Variants in INTS2 observed in about 807,000 individuals in gnomAD.
INTS2 encodes the protein integrator complex subunit 2, also known as KIAA1287.
In INTS2, 57 loss-of-function variants were observed where a neutral mutation model predicts 139.6. The ratio of observed to expected loss-of-function variants is 0.41; its 90% CI spans 0.33 to 0.51. The LOEUF (loss-of-function observed/expected upper bound fraction) is 0.51, where lower values mean the gene tolerates loss of function less well. INTS2 is among the 20% of genes least tolerant of loss of function. The pLI is 0.28. For synonymous variants in INTS2, 473 were observed against 493.4 expected, an observed-to-expected ratio of 0.96 and a Z score of 0.55; for missense variants, 1,196 against 1,436.7, an observed-to-expected ratio of 0.83 and a Z score of 2.71.
intron 4 of INTS2, among the ~76,000 whole-genome samples, chr17:61,920,543 T>C (rs1295402302): frequency 1.4e-5 from 2 of 144,260 alleles, no homozygotes; most frequent in East Asian, 2.2e-4. Flanking sequence ...CAGTGGCTTA[T>C]GCCTATAATC....
rs764656320 is a variant in INTS2, at chr17:61,889,892, A to C, written c.1878T>G (p.Gly626=). The part of the protein sequence containing the change: ...ILNIFQGVIG[G]DNIRLNQRFS... ...AACGCTGATTAAGGCGGATGTTGTCACCCTGGAGGTAATATTACAAATACT... is the reference window on the plus strand; with the variant it reads ...AACGCTGATTAAGGCGGATGTTGTCCCCCTGGAGGTAATATTACAAATACT... Residue 626 remains glycine (G), a splice_region_variant and synonymous_variant, in exon 15 of 25, where the codon GGT becomes GGG. Transcript: ENST00000251334. The C allele has an allele frequency of 4.3e-5, 69 of 1,592,730 alleles. No individual in the cohort carries two copies. Among genetic ancestry groups the C allele is most frequent in the Non-Finnish European group, 5.6e-5 (65 of 1,162,572 alleles).
chr17:61,905,701 T>C (rs1468144529), intron 8 of INTS2, among the ~76,000 whole-genome samples: 2 of 152,072 alleles, frequency 1.3e-5, no homozygotes, highest in African/African-American at 4.8e-5. Flanking sequence ...TTTTTTATGT[T>C]TTTTGTTTTT....
Position 61,867,339 on chromosome 17 carries a change from T to C in INTS2, c.*218A>G, listed in dbSNP as rs910079539. 3.1e-6 allele frequency: 1 copy of C among 327,434 alleles called. No homozygotes were observed. Among genetic ancestry groups the C allele is most frequent in the Non-Finnish European group, 5.5e-6 (1 of 181,714 alleles). The allele number at this position is 327,434 out of a possible 1,614,324, so 20.3% of individuals were successfully genotyped here. On this transcript the variant is annotated 3_prime_UTR_variant, in exon 25 of 25. Transcript: ENST00000251334. This position sits in a 1 kb window ranked among gnomAD's most constrained non-coding sequence, Gnocchi z 5.6. The stretch of plus-strand genomic sequence containing the variant: ...AAAAAAAAAAGCTCAGCTGCTACAA[T>C]AGAAACATATCAGCAAAGTAGATCC...
chr17:61,884,420 G>A (rs989473875), intron 16 of INTS2, among the ~76,000 whole-genome samples: 1 of 152,028 alleles, frequency 6.6e-6, no homozygotes, highest in African/African-American at 2.4e-5. Context: ...TTGAACCCAG[G>A]AGGTGGGGGT....
In INTS2 at chr17:61,867,974, G is replaced by A. The variant is rs764970801; in HGVS notation, c.3280C>T (p.Pro1094Ser). 7.5e-6 allele frequency: 12 copies of A among 1,605,004 alleles called. No individual in the cohort carries two copies. The highest frequency in any genetic ancestry group is 1.0e-5 in the Non-Finnish European group (12 of 1,177,440). ...AAAGAGACCAAACTTGGCAGAGTTG[G>A]CATAAAAAAAGCATACCGCTTAGCC... Reference protein sequence around the residue: ...TQAKRYAFFMPTLPSLVSFCR... With the variant: ...TQAKRYAFFMSTLPSLVSFCR... The change falls in exon 24 of 25, where the codon CCA becomes TCA. Residue 1094 changes from proline (P) to serine (S), a missense_variant. Pro to Ser is a moderately conservative substitution (Grantham distance 74). Transcript: ENST00000251334. The surrounding 1 kb of genome is among the most constrained non-coding windows in gnomAD (Gnocchi z 5.6).
At chr17:61,881,219 A>T in intron 16 of INTS2, 48 bp from the exon 17 acceptor site, 1 of 1,448,668 alleles carries the variant, frequency 6.9e-7, no homozygotes, top group Admixed American at 1.9e-5. Flanking sequence ...CTCAAACACC[A>T]GAAGCTTCCC....
intron 5 of INTS2, 30 bp downstream of exon 5, chr17:61,919,370 T>C (rs2079615396): frequency 4.4e-6 from 5 of 1,139,404 alleles, no homozygotes; most frequent in Non-Finnish European, 5.2e-6. Flanking sequence ...AGCAAGTCTT[T>C]TCAATATACC....
At chr17:61,918,901 T>C (rs936948037) in intron 5 of INTS2, among the ~76,000 whole-genome samples, 5 of 151,832 alleles carry the variant, frequency 3.3e-5, no homozygotes, top group Non-Finnish European at 7.4e-5. Flanking sequence ...ATTATAGATA[T>C]TACATCTTCT....
chr17:61,916,899 CA>C (rs1285429330), intron 5 of INTS2, among the ~76,000 whole-genome samples: 1 of 152,040 alleles, frequency 6.6e-6, no homozygotes. Context: ...ATGTATCTGA[CA>C]AAGGCCTAAT....
In INTS2 at chr17:61,891,598, G is replaced by A. The variant is rs747346615; in HGVS notation, c.1790C>T (p.Thr597Ile). Residue 597 changes from threonine to isoleucine, a missense_variant, in exon 14 of 25, where the codon ACT (threonine) becomes ATT (isoleucine). Thr to Ile is a moderately conservative substitution (Grantham distance 89, BLOSUM62 -1). Around this residue, in one of 3 missense-constraint regions of INTS2, gnomAD observed 1,129 missense variants for 1,341.9 expected, o/e 0.84. Transcript: ENST00000251334. ...TTCTGGATTAGATTTCGACGCAGGA[G>A]TAAGTATAGAATTTATGTACACATC... ...LIDVYINSIL[T>I]PASKSNPEAT... is the part of the protein sequence containing the mutation. 5 of 1,613,512 alleles carry A rather than the reference G, an allele frequency of 3.1e-6. No homozygotes were observed. Among genetic ancestry groups the A allele is most frequent in the Non-Finnish European group, 4.2e-6 (5 of 1,179,506 alleles).
Position 61,924,948 on chromosome 17 carries a change from A to G in INTS2, c.432+13T>C. 1 of 1,609,344 alleles carries G rather than the reference A, an allele frequency of 6.2e-7. No individual in the cohort carries two copies. The highest frequency in any genetic ancestry group is 1.3e-5 in the African/African-American group (1 of 75,020). ...ATCATGCATACTTTGAGCTGTGGTT[A>G]AAAGAAATGCACCTTGTTCATAATT... On this transcript the variant is annotated intron_variant, in intron 3 of 24. Coordinates refer to ENST00000251334, the MANE Select transcript of INTS2 (RefSeq NM_001351695.2).
chr17:61,904,465 A>G lies in INTS2; in HGVS notation c.1302T>C (p.Leu434=). Residue 434 remains leucine, a synonymous_variant, in exon 9 of 25, where the codon CTT becomes CTC. Coordinates refer to ENST00000251334, the MANE Select transcript of INTS2 (RefSeq NM_001351695.2). The stretch of plus-strand genomic sequence containing the variant: ...CAACTTATATAGTTAGGTACCTGAC[A>G]AGTGTAGAAAAGGCCAGTAGCATAC... The part of the protein sequence containing the change: ...SFCMLLAFST[L]VSTPEQEQLM... The G allele has an allele frequency of 6.2e-7, 1 of 1,604,038 alleles. No individual in the cohort carries two copies. The highest frequency in any genetic ancestry group is 8.5e-7 in the Non-Finnish European group (1 of 1,174,122).
rs184985128 is a variant in INTS2, at chr17:61,882,333, G to A, written c.2090-1162C>T. Among the ~76,000 whole-genome samples, 3 of 152,284 alleles carry A rather than the reference G, an allele frequency of 2.0e-5. No individual in the cohort carries two copies. In the East Asian group the frequency reaches 5.8e-4, roughly 29 times the overall value. The stretch of plus-strand genomic sequence containing the variant: ...TTTTCTTGGTTCAAGAAGTATTAAA[G>A]AAGACCAAAAGAAATGGGAAAACTT... On this transcript the variant is annotated intron_variant, in intron 16 of 24. Transcript: ENST00000251334. The surrounding 1 kb of genome is among the most constrained non-coding windows in gnomAD (Gnocchi z 4.7).
In INTS2 at chr17:61,877,920, AGTTT is replaced by A. The variant is rs2079140005; in HGVS notation, c.2419_2422del (p.Lys807TyrfsTer8). ...CATCACAGTATTAAGAACCATCCAT[AGTTT>A]ATTGACTGTTTGCAGAATTCTCCGT... On this transcript the variant is annotated frameshift_variant, in exon 18 of 25. Coordinates refer to ENST00000251334, the MANE Select transcript of INTS2 (RefSeq NM_001351695.2). LOFTEE classifies it high-confidence loss of function. 6.2e-7 allele frequency: 1 copy of A among 1,613,578 alleles called. No individual in the cohort carries two copies. Among genetic ancestry groups the A allele is most frequent in the Non-Finnish European group, 8.5e-7 (1 of 1,179,640 alleles).
intron 3 of INTS2, among the ~76,000 whole-genome samples, chr17:61,924,530 T>G (rs2079687328): frequency 6.6e-6 from 1 of 152,090 alleles, no homozygotes; most frequent in African/African-American, 2.4e-5. Flanking sequence ...GAAATAAAAG[T>G]AGAGAAGGCC....
chr17:61,878,025 A>G lies in INTS2; in HGVS notation c.2318T>C (p.Leu773Pro). ...ATATGGTATAAGTTCACTGGCAGAG[A>G]GTAGAGTCAAGTGTTCTATAATCTG... Reference protein sequence around the residue: ...VMQIIEHLTLLSASELIPYAE... With the variant: ...VMQIIEHLTLPSASELIPYAE... The change falls in exon 18 of 25, where the codon CTC becomes CCC. Residue 773 changes from leucine (L) to proline (P), a missense_variant. By Grantham distance (98) the Leu-to-Pro change is moderately conservative (BLOSUM62 -3). Coordinates refer to ENST00000251334, the MANE Select transcript of INTS2 (RefSeq NM_001351695.2). 1 of 1,612,720 alleles carries G rather than the reference A, an allele frequency of 6.2e-7. No individual in the cohort carries two copies. Among genetic ancestry groups the G allele is most frequent in the Non-Finnish European group, 8.5e-7 (1 of 1,178,722 alleles).
intron 5 of INTS2, among the ~76,000 whole-genome samples, chr17:61,919,169 C>T (rs1039693653): frequency 5.9e-5 from 9 of 151,982 alleles, no homozygotes; most frequent in Non-Finnish European, 8.8e-5. Flanking sequence ...GTGATCTGCC[C>T]GCCTCGGCCT....
At chr17:61,888,847 AC>A (rs2079258321) in intron 15 of INTS2, among the ~76,000 whole-genome samples, 1 of 151,872 alleles carries the variant, frequency 6.6e-6, no homozygotes, top group Non-Finnish European at 1.5e-5. Flanking sequence ...ACATGGTGAA[AC>A]CCCATCTTTA....
chr17:61,881,429 T>A (rs1382724332), intron 16 of INTS2, among the ~76,000 whole-genome samples: 1 of 152,130 alleles, frequency 6.6e-6, no homozygotes, highest in African/African-American at 2.4e-5. Flanking sequence ...AAACCCCGTA[T>A]CTACTAAAAA....
Sources: allele counts gnomAD v4.1 joint callset (sites outside exome capture counted in the v4.1 genomes callset), GRCh38; gene constraint gnomAD v4.1.1; regional missense constraint gnomAD v4.1.1; non-coding constraint Gnocchi (gnomAD v3.1); transcripts MANE v1.5; gene names NCBI Gene and HGNC (gene_info 2026-07-23, HGNC 2026-07-21).